PAPPA2: variants seen among roughly 807,000 people sequenced by gnomAD.
PAPPA2 encodes the protein pappalysin 2, also known as pappalysin-2.
Under a neutral mutation model 176.4 loss-of-function variants are expected in PAPPA2, and 86 were observed. The observed-to-expected ratio is 0.49, with a 90% CI of 0.41 to 0.58. The LOEUF (loss-of-function observed/expected upper bound fraction) is 0.58. Among genes scored for constraint, PAPPA2 ranks in the 20% least tolerant of loss-of-function variants. PAPPA2 has a pLI of 0.00. For synonymous variants in PAPPA2, 809 were observed against 852.2 expected (o/e 0.95, Z 0.88); for missense variants, 2,073 against 2,256.9 (o/e 0.92, Z 1.65).
chr1:176,825,029 G>A (rs374097774), intron 21 of PAPPA2, among the ~76,000 whole-genome samples: 60 of 152,178 alleles, frequency 3.9e-4, no homozygotes, highest in African/African-American at 1.3e-3. Context: ...CAGCCTGAGC[G>A]CCAACCCTGT....
intron 12 of PAPPA2, among the ~76,000 whole-genome samples, chr1:176,725,754 T>A (rs1315938950): frequency 6.6e-6 from 1 of 152,160 alleles, no homozygotes; most frequent in Non-Finnish European, 1.5e-5. Context: ...CATAACAGAT[T>A]TATTTTAGTG....
intron 2 of PAPPA2, among the ~76,000 whole-genome samples, chr1:176,576,298 A>C (rs1358305808): frequency 6.6e-6 from 1 of 151,966 alleles, no homozygotes; most frequent in East Asian, 1.9e-4. Context: ...TCTTGACTTC[A>C]TTTGCGTTTT....
At chr1:176,797,769 C>G (rs949737751) in intron 20 of PAPPA2, among the ~76,000 whole-genome samples, 1 of 152,158 alleles carries the variant, frequency 6.6e-6, no homozygotes, top group African/African-American at 2.4e-5. Flanking sequence ...CCTCTTGCTC[C>G]TCAAATGCTC....
At chr1:176,517,463 A>T (rs1648978525) in intron 1 of PAPPA2, among the ~76,000 whole-genome samples, 1 of 152,156 alleles carries the variant, frequency 6.6e-6, no homozygotes, top group Admixed American at 6.5e-5. Context: ...GGGAGAGAAA[A>T]ATACTTTGGT....
chr1:176,756,716 T>C (rs1663439541), intron 14 of PAPPA2, among the ~76,000 whole-genome samples: 1 of 151,862 alleles, frequency 6.6e-6, no homozygotes, highest in African/African-American at 2.4e-5. Context: ...CTTATTATTA[T>C]TATTATTATC....
intron 2 of PAPPA2, among the ~76,000 whole-genome samples, chr1:176,560,036 C>T (rs1320993032): frequency 6.6e-6 from 1 of 152,164 alleles, no homozygotes; most frequent in Non-Finnish European, 1.5e-5. Flanking sequence ...GGAGAGTAGG[C>T]AGCCACGTAG....
At chr1:176,650,322 T>C (rs1422187546) in intron 3 of PAPPA2, among the ~76,000 whole-genome samples, 2 of 151,374 alleles carry the variant, frequency 1.3e-5, no homozygotes, top group African/African-American at 4.8e-5. Context: ...TGTAATTGGG[T>C]CTTGTTTCTT....
intron 12 of PAPPA2, among the ~76,000 whole-genome samples, chr1:176,735,004 G>A (rs1405244902): frequency 6.6e-6 from 1 of 152,004 alleles, no homozygotes; most frequent in Non-Finnish European, 1.5e-5. Flanking sequence ...AAGAACATTG[G>A]TTCAGTCAAC....
chr1:176,698,877 C>G (rs1478922481), intron 7 of PAPPA2, among the ~76,000 whole-genome samples: 1 of 152,164 alleles, frequency 6.6e-6, no homozygotes, highest in Non-Finnish European at 1.5e-5. Flanking sequence ...TTTCCTCTTG[C>G]TAAGGGCACC....
At chr1:176,603,936 A>G (rs1365617260) in intron 3 of PAPPA2, among the ~76,000 whole-genome samples, 2 of 152,188 alleles carry the variant, frequency 1.3e-5, no homozygotes, top group African/African-American at 4.8e-5. Context: ...TCAGAATCAA[A>G]GCCAACAGCA....
At chr1:176,768,729 G>C (rs1473480618) in intron 15 of PAPPA2, among the ~76,000 whole-genome samples, 1 of 152,146 alleles carries the variant, frequency 6.6e-6, no homozygotes, top group African/African-American at 2.4e-5. Context: ...AATATCTCTT[G>C]ATTGAATTAG....
chr1:176,498,036 C>T (rs1647725005), intron 1 of PAPPA2, among the ~76,000 whole-genome samples: 2 of 152,190 alleles, frequency 1.3e-5, no homozygotes, highest in Admixed American at 1.3e-4. Context: ...CTGCACATCC[C>T]TTTAATTGTC....
intron 4 of PAPPA2, among the ~76,000 whole-genome samples, chr1:176,686,730 A>C (rs1659857820): frequency 6.6e-6 from 1 of 152,192 alleles, no homozygotes; most frequent in Non-Finnish European, 1.5e-5. Context: ...ACATGTGTTC[A>C]TGACTATCCC....
At chr1:176,731,534 A>G (rs1270770994) in intron 12 of PAPPA2, among the ~76,000 whole-genome samples, 1 of 151,656 alleles carries the variant, frequency 6.6e-6, no homozygotes, top group East Asian at 1.9e-4. Context: ...CTGGTCTCAA[A>G]CTCCTGACCT....
intron 21 of PAPPA2, chr1:176,836,707 A>C (rs1420380898): frequency 6.6e-6 from 1 of 152,210 alleles, no homozygotes; most frequent in Non-Finnish European, 1.5e-5. Context: ...TTGTGGAGCC[A>C]GCTCCTAAAA....
intron 3 of PAPPA2, among the ~76,000 whole-genome samples, chr1:176,639,464 TA>T (rs372237212): frequency 1.0e-3 from 158 of 152,208 alleles, no homozygotes; most frequent in African/African-American, 3.6e-3. Flanking sequence ...TTTTATTCTT[TA>T]AAAAATGAGC....
At chr1:176,484,966 A>G (rs2206503) in intron 1 of PAPPA2, among the ~76,000 whole-genome samples, 17,368 of 151,982 alleles carry the variant, frequency 0.11, 1,042 homozygotes, top group Middle Eastern at 0.2. Flanking sequence ...CTCTATATTC[A>G]CCTATCAGTC....
intron 20 of PAPPA2, among the ~76,000 whole-genome samples, chr1:176,796,287 G>T (rs965042420): frequency 6.6e-6 from 1 of 152,188 alleles, no homozygotes; most frequent in Non-Finnish European, 1.5e-5. Context: ...GAACAGAAAA[G>T]CAAGTTGCAG....
At chr1:176,819,558 C>A (rs910425206) in intron 21 of PAPPA2, among the ~76,000 whole-genome samples, 9 of 152,176 alleles carry the variant, frequency 5.9e-5, no homozygotes, top group Non-Finnish European at 1.3e-4. Flanking sequence ...ATATACAGTT[C>A]TTTTGGCTCT....
Sources: gnomAD v4.1 joint callset for allele counts (sites outside exome capture counted in the v4.1 genomes callset) on GRCh38, gnomAD v4.1.1 for gene constraint, MANE v1.5 for transcripts, NCBI Gene and HGNC (gene_info 2026-07-23, HGNC 2026-07-21) for gene names.